Variants in SPPL2B observed in about 807,000 individuals in gnomAD.
SPPL2B encodes the protein signal peptide peptidase like 2B.
Under a neutral mutation model 59.7 loss-of-function variants are expected in SPPL2B, and 39 were observed. That is an observed-to-expected ratio of 0.65 (90% CI 0.51 to 0.85). The LOEUF (loss-of-function observed/expected upper bound fraction) is 0.85, where lower values mean the gene tolerates loss of function less well. SPPL2B is among the 40% of genes least tolerant of loss of function. The pLI, the probability that SPPL2B is intolerant of heterozygous loss-of-function variation, is 0.00. For synonymous variants in SPPL2B, 419 were observed against 370.8 expected, an observed-to-expected ratio of 1.13 and a Z score of -1.49; for missense variants, 865 against 849.0, an observed-to-expected ratio of 1.02 and a Z score of -0.23.
At chr19:2,344,774 G>A in intron 12 of SPPL2B, 122 bp downstream of exon 12, 1 of 712,046 alleles carries the variant, frequency 1.4e-6, no homozygotes, top group Non-Finnish European at 2.5e-6. Context: ...CTGAGGGTCA[G>A]AGTCGGGCAG....
intron 2 of SPPL2B, 141 bp downstream of exon 2, chr19:2,334,862 C>A: frequency 1.8e-6 from 2 of 1,112,594 alleles, no homozygotes; most frequent in Non-Finnish European, 1.2e-6. Flanking sequence ...TCTTAGCTGG[C>A]CCCCAGTTCC....
intron 7 of SPPL2B, chr19:2,340,391 GA>G: frequency 3.3e-6 from 2 of 615,056 alleles, no homozygotes; most frequent in Non-Finnish European, 5.8e-6. Flanking sequence ...GTGGCGGGGG[GA>G]GGGTGCCCTT....
intron 13 of SPPL2B, among the ~76,000 whole-genome samples, chr19:2,350,170 A>G (rs1164723868): frequency 9.5e-6 from 1 of 104,988 alleles, no homozygotes; most frequent in Non-Finnish European, 1.9e-5. Context: ...ACGCGCTCTC[A>G]TTCGCTTGAT....
chr19:2,335,067 C>G (rs1049544353), intron 2 of SPPL2B, among the ~76,000 whole-genome samples: 2 of 152,132 alleles, frequency 1.3e-5, no homozygotes, highest in African/African-American at 2.4e-5. Flanking sequence ...GCCCCAGGGA[C>G]GAGACCTGTT....
rs1970069253 is a variant in SPPL2B, at chr19:2,354,131, TGA to T, written c.*926_*927del. The T allele has an allele frequency of 6.6e-6, 1 of 152,288 alleles. No homozygotes were observed. Among genetic ancestry groups the T allele is most frequent in the Admixed American group, 6.5e-5 (1 of 15,288 alleles). The allele number at this position is 152,288 out of a possible 1,614,324, so 9.4% of individuals were successfully genotyped here. ...TGTGGGCCCCGTGTTGCTTTTCTGCTGAGAGGGGCTTGGGCCTCGGTTCTCCC... is the reference window on the plus strand; with the variant it reads ...TGTGGGCCCCGTGTTGCTTTTCTGCTGAGGGGCTTGGGCCTCGGTTCTCCC... On this transcript the variant is annotated 3_prime_UTR_variant, in exon 15 of 15. Transcript: ENST00000613503.
intron 8 of SPPL2B, chr19:2,342,729 C>T (rs1387950488): frequency 1.2e-5 from 2 of 171,362 alleles, no homozygotes; most frequent in Non-Finnish European, 2.5e-5. Flanking sequence ...TGGCCCCTGC[C>T]TACAGCCTGT....
Position 2,346,969 on chromosome 19 carries a change from TAA to T in SPPL2B, c.1354+1640_1354+1641del, listed in dbSNP as rs900353290. Among the ~76,000 whole-genome samples the T allele has an allele frequency of 3.8e-3, 581 of 152,194 alleles. 6 individuals carry two copies. Among genetic ancestry groups the T allele is most frequent in the African/African-American group, 0.014 (562 of 41,416 alleles). ...TTGCTGGACACAGCGGCTCTTTTTT[TAA>T]GAGTGTTCTAGCAAATAATTAATTT... On this transcript the variant is annotated intron_variant, in intron 13 of 14. Transcript: ENST00000613503.
In SPPL2B at chr19:2,354,813, C is replaced by G. The variant is rs2145223308; in HGVS notation, c.*1604C>G. 6.6e-6 allele frequency: 1 copy of G among 152,436 alleles called. No individual in the cohort carries two copies. Among genetic ancestry groups the G allele is most frequent in the African/African-American group, 2.4e-5 (1 of 41,588 alleles). 9.4% of individuals were successfully genotyped at this position (152,436 alleles called of 1,614,324 possible). ...ACAGCTTTTGATACATATGGCCCGG[C>G]CTCTGCCTCCGCAGTGCACGGCTTG... On this transcript the variant is annotated 3_prime_UTR_variant, in exon 15 of 15. Transcript: ENST00000613503.
chr19:2,336,756 T>G (rs1265654663), intron 2 of SPPL2B, among the ~76,000 whole-genome samples: 3 of 151,378 alleles, frequency 2.0e-5, no homozygotes, highest in Non-Finnish European at 4.4e-5. Context: ...TGTGTATGTG[T>G]GCACGTGTGT....
intron 7 of SPPL2B, chr19:2,340,553 G>A: frequency 3.5e-6 from 2 of 571,344 alleles, no homozygotes; most frequent in East Asian, 6.7e-5. Flanking sequence ...AGTCAGACCT[G>A]GGTCTAGGAA....
rs1223823213 is a variant in SPPL2B at position 2,332,833 on chromosome 19, A to C, written c.67-1769A>C. 6.6e-6 allele frequency among the ~76,000 whole-genome samples: 1 copy of C among 152,092 alleles called. No homozygotes were observed. Among genetic ancestry groups the C allele is most frequent in the Admixed American group, 6.5e-5 (1 of 15,278 alleles). ...CTGGGACCTGGGCCCCATCGCTGTG[A>C]GACCCTCTGGTGACTGGCATCCTGG... On this transcript the variant is annotated intron_variant, in intron 1 of 14. Coordinates refer to ENST00000613503, the MANE Select transcript of SPPL2B (RefSeq NM_152988.3). This position sits in a 1 kb window ranked among gnomAD's most constrained non-coding sequence, Gnocchi z 4.6.
Position 2,339,354 on chromosome 19 carries a change from G to A in SPPL2B, c.599+146G>A. 6 of 972,300 alleles carry A rather than the reference G, an allele frequency of 6.2e-6. No individual in the cohort carries two copies. The South Asian group carries it at 9.9e-5, about 16-fold the overall frequency. The allele number at this position is 972,300 out of a possible 1,614,324, so 60.2% of individuals were successfully genotyped here. ...GGAGCCCTTCGTTTCTTCCTCAGGA[G>A]GTCCTGGGACAGAATCAGTCTCTTT... On this transcript the variant is annotated intron_variant, in intron 5 of 14. Transcript: ENST00000613503.
intron 12 of SPPL2B, 100 bp from the exon 13 acceptor site, chr19:2,345,153 C>T: frequency 1.1e-6 from 1 of 899,190 alleles, no homozygotes; most frequent in Non-Finnish European, 1.8e-6. Context: ...GCGAGAGGCC[C>T]ACGGCGCCCA....
At chr19:2,344,739 C>T (rs1969271823) in intron 12 of SPPL2B, 87 bp downstream of exon 12, 8 of 832,044 alleles carry the variant, frequency 9.6e-6, no homozygotes, top group Non-Finnish European at 1.6e-5. Context: ...GAGTGGCCCG[C>T]ACACCGTCGG....
intron 1 of SPPL2B, among the ~76,000 whole-genome samples, chr19:2,331,746 C>T (rs1268310898): frequency 6.6e-6 from 1 of 152,242 alleles, no homozygotes; most frequent in Non-Finnish European, 1.5e-5. Flanking sequence ...CAGAGCTTGG[C>T]AAGTGTTTTC....
At chr19:2,334,102 A>C (rs1265205959) in intron 1 of SPPL2B, among the ~76,000 whole-genome samples, 2 of 152,082 alleles carry the variant, frequency 1.3e-5, no homozygotes, top group African/African-American at 4.8e-5. Flanking sequence ...ACCAGCCAAC[A>C]AGCAGTGCCC....
At chr19:2,348,131 T>A (rs74176390) in intron 13 of SPPL2B, among the ~76,000 whole-genome samples, 3 of 82,848 alleles carry the variant, frequency 3.6e-5, no homozygotes, top group Non-Finnish European at 6.8e-5. Context: ...CCACACACAC[T>A]CACGCTCTCA....
Position 2,353,444 on chromosome 19 carries a change from T to G in SPPL2B, c.*235T>G. 1.8e-6 allele frequency: 1 copy of G among 555,930 alleles called. No homozygotes were observed. Among genetic ancestry groups the G allele is most frequent in the East Asian group, 3.3e-5 (1 of 30,680 alleles). 34.4% of individuals were successfully genotyped at this position (555,930 alleles called of 1,614,324 possible). A position where few individuals can be genotyped will look rare whatever the true frequency, so the allele number is the denominator to read the frequency against. On this transcript the variant is annotated 3_prime_UTR_variant, in exon 15 of 15. Coordinates refer to ENST00000613503, the MANE Select transcript of SPPL2B (RefSeq NM_152988.3). ...CCCAGCTCGCCCGGCTGCCACAAGC[T>G]CTCTGCGGGTCCATCCTCCCCACCG...
chr19:2,347,990 T>A (rs1402476586), intron 13 of SPPL2B, among the ~76,000 whole-genome samples: 2 of 43,574 alleles, frequency 4.6e-5, no homozygotes, highest in Non-Finnish European at 8.6e-5. Flanking sequence ...ACACACACAC[T>A]CACGCGCTCT....
Sources: allele counts gnomAD v4.1 joint callset (sites outside exome capture counted in the v4.1 genomes callset), GRCh38; gene constraint gnomAD v4.1.1; non-coding constraint Gnocchi (gnomAD v3.1); transcripts MANE v1.5; gene names NCBI Gene and HGNC (gene_info 2026-07-23, HGNC 2026-07-21).